Variants in GRIP1 observed in about 807,000 individuals in gnomAD.
GRIP1 encodes glutamate receptor-interacting protein 1.
A neutral mutation model predicts 129.9 loss-of-function variants in GRIP1; 45 were observed. The observed-to-expected ratio is 0.35, with a 90% confidence interval of 0.27 to 0.44. GRIP1 has a LOEUF of 0.44. Among genes scored for constraint, GRIP1 ranks in the 20% least tolerant of loss-of-function variants. The probability of loss-of-function intolerance (pLI) is 1.00; values close to 1 mark genes in which losing one functional copy is unlikely to be tolerated. For synonymous variants in GRIP1, 530 were observed against 520.8 expected (o/e 1.02, Z -0.24); for missense variants, 1,196 against 1,396.8 (o/e 0.86, Z 2.29).
chr12:66,898,308 G>T (rs2040786325), intron 1 of GRIP1, among the ~76,000 whole-genome samples: 1 of 152,034 alleles, frequency 6.6e-6, no homozygotes, highest in Non-Finnish European at 1.5e-5. Flanking sequence ...CCTAAGAAAT[G>T]TTTCCTAATA....
At chr12:66,670,463 C>CA (rs1280983253) in intron 1 of GRIP1, among the ~76,000 whole-genome samples, 3 of 152,136 alleles carry the variant, frequency 2.0e-5, no homozygotes, top group African/African-American at 7.2e-5. Flanking sequence ...CAGTGGCGCT[C>CA]ATAACTTCAT....
At chr12:66,733,120 C>A (rs2036491019) in intron 1 of GRIP1, among the ~76,000 whole-genome samples, 1 of 152,130 alleles carries the variant, frequency 6.6e-6, no homozygotes, top group Admixed American at 6.5e-5. Context: ...TCCTGAGAAG[C>A]ATCCTTGTAG....
At chr12:66,846,500 C>G (rs1566049048) in intron 1 of GRIP1, among the ~76,000 whole-genome samples, 1 of 152,124 alleles carries the variant, frequency 6.6e-6, no homozygotes, top group Non-Finnish European at 1.5e-5. Context: ...TAACCTGGTC[C>G]AGCATTGTTT....
intron 2 of GRIP1, 94 bp downstream of exon 2, chr12:66,596,753 T>C: frequency 1.4e-6 from 1 of 737,560 alleles, no homozygotes; most frequent in Non-Finnish European, 2.5e-6. Flanking sequence ...TTATTATTAT[T>C]ATTATTATTT....
At chr12:66,829,357 C>T (rs757183633) in intron 1 of GRIP1, among the ~76,000 whole-genome samples, 8 of 152,104 alleles carry the variant, frequency 5.3e-5, no homozygotes, top group Non-Finnish European at 7.4e-5. Context: ...TTCCCTAAAG[C>T]CCCCACAGGA....
intron 2 of GRIP1, among the ~76,000 whole-genome samples, chr12:66,551,223 A>G (rs1231590409): frequency 6.6e-6 from 1 of 152,232 alleles, no homozygotes; most frequent in Non-Finnish European, 1.5e-5. Context: ...TTGAAGACCA[A>G]TAATCACTGC....
At chr12:66,539,996 T>G (rs917540704) in intron 3 of GRIP1, among the ~76,000 whole-genome samples, 4 of 152,232 alleles carry the variant, frequency 2.6e-5, no homozygotes, top group Non-Finnish European at 5.9e-5. Context: ...AAATAGCTAA[T>G]GCATTTATTT....
intron 2 of GRIP1, among the ~76,000 whole-genome samples, chr12:66,554,407 T>C (rs1410705619): frequency 6.6e-6 from 1 of 152,138 alleles, no homozygotes; most frequent in Non-Finnish European, 1.5e-5. Context: ...GTGTAGTACA[T>C]GCCATGGGCC....
chr12:66,970,309 T>C (rs2042054179), intron 1 of GRIP1, among the ~76,000 whole-genome samples: 1 of 152,166 alleles, frequency 6.6e-6, no homozygotes, highest in South Asian at 2.1e-4. Flanking sequence ...CTTGAACTTC[T>C]AGCCTCAAGT....
chr12:66,360,074 T>G (rs2054676470), intron 23 of GRIP1, among the ~76,000 whole-genome samples: 1 of 152,176 alleles, frequency 6.6e-6, no homozygotes, highest in Non-Finnish European at 1.5e-5. Context: ...ATACTGAACC[T>G]TGAAAAAGTT....
chr12:66,796,871 A>G (rs890533636), intron 1 of GRIP1, among the ~76,000 whole-genome samples: 5 of 152,284 alleles, frequency 3.3e-5, no homozygotes, highest in African/African-American at 7.2e-5. Flanking sequence ...TTTAGTCACA[A>G]TCTCATACTA....
intron 1 of GRIP1, among the ~76,000 whole-genome samples, chr12:66,908,000 A>C (rs2040963435): frequency 6.6e-6 from 1 of 152,220 alleles, no homozygotes. Context: ...AAAGTGAAAA[A>C]AAATAATAAA....
chr12:66,835,906 G>A (rs1184824733), intron 1 of GRIP1, among the ~76,000 whole-genome samples: 2 of 152,084 alleles, frequency 1.3e-5, no homozygotes, highest in Non-Finnish European at 2.9e-5. Context: ...TTCATCAGTT[G>A]TAACAAATGT....
chr12:66,496,077 A>C (rs2060232775), intron 7 of GRIP1, among the ~76,000 whole-genome samples: 1 of 152,098 alleles, frequency 6.6e-6, no homozygotes, highest in East Asian at 1.9e-4. Context: ...TGTGTGGCTC[A>C]GTACCTTTCT....
chr12:66,846,383 T>A (rs554979506), intron 1 of GRIP1, among the ~76,000 whole-genome samples: 89 of 152,290 alleles, frequency 5.8e-4, no homozygotes, highest in African/African-American at 2.0e-3. Context: ...GAAATATGAG[T>A]CATCTTCATC....
At chr12:66,528,145 T>TG (rs4134419) in intron 5 of GRIP1, among the ~76,000 whole-genome samples, 17 of 142,736 alleles carry the variant, frequency 1.2e-4, no homozygotes, top group South Asian at 2.3e-4. Flanking sequence ...TTTTTTTTTT[T>TG]TTTTTTTGAG....
intron 4 of GRIP1, among the ~76,000 whole-genome samples, chr12:66,534,393 T>C (rs1296497748): frequency 1.3e-5 from 2 of 152,178 alleles, no homozygotes; most frequent in Non-Finnish European, 2.9e-5. Context: ...ATCCTAACAG[T>C]CTTTGGGCTT....
intron 2 of GRIP1, chr12:66,564,206 C>T (rs2062649836): frequency 6.6e-6 from 1 of 152,000 alleles, no homozygotes; most frequent in Non-Finnish European, 1.5e-5. Flanking sequence ...ATACATGTGC[C>T]ATGCTGGTGT....
chr12:66,432,803 A>G (rs990450937), intron 13 of GRIP1, among the ~76,000 whole-genome samples, 175 bp from the exon 14 acceptor site: 6 of 152,196 alleles, frequency 3.9e-5, no homozygotes, highest in Non-Finnish European at 8.8e-5. Context: ...TGATGAATAC[A>G]CTTCCTATCC....
Sources: gnomAD v4.1 joint callset for allele counts (sites outside exome capture counted in the v4.1 genomes callset) on GRCh38, gnomAD v4.1.1 for gene constraint, MANE v1.5 for transcripts, NCBI Gene and HGNC (gene_info 2026-07-23, HGNC 2026-07-21) for gene names.